SGCD: variants seen among roughly 807,000 people sequenced by gnomAD.
SGCD encodes sarcoglycan delta, also known as delta-sarcoglycan.
In SGCD, 18 loss-of-function variants were observed where a neutral mutation model predicts 36.6. The observed-to-expected ratio is 0.49, with a 90% CI of 0.34 to 0.73. The LOEUF (loss-of-function observed/expected upper bound fraction) is 0.73. Ranked by LOEUF, SGCD falls within the 30% of genes least tolerant of loss-of-function variation. The pLI is 0.01. For synonymous variants in SGCD, 133 were observed against 130.6 expected, an observed-to-expected ratio of 1.02 and a Z score of -0.12; for missense variants, 387 against 346.7, an observed-to-expected ratio of 1.12 and a Z score of -0.92.
chr5:155,735,337 T>C, the SGCD span, among the ~76,000 whole-genome samples: 1 of 152,246 alleles, frequency 6.6e-6, no homozygotes, highest in East Asian at 1.9e-4. Flanking sequence ...TAAGTTAATG[T>C]GATTTTATCT....
chr5:155,867,879 T>TCATACTAA (rs1341231250), upstream of SGCD, among the ~76,000 whole-genome samples: 20 of 152,280 alleles, frequency 1.3e-4, no homozygotes, highest in African/African-American at 4.8e-4. Context: ...AAGTAATTGG[T>TCATACTAA]CTAAGGTCAT....
chr5:156,441,305 C>G (rs1469934558), intron 3 of SGCD, among the ~76,000 whole-genome samples: 1 of 146,416 alleles, frequency 6.8e-6, no homozygotes, highest in Non-Finnish European at 1.5e-5. Flanking sequence ...CCAGCATTTA[C>G]TTGCTAGCTG....
At chr5:156,721,268 G>T (rs1168902691) in intron 7 of SGCD, among the ~76,000 whole-genome samples, 3 of 152,088 alleles carry the variant, frequency 2.0e-5, no homozygotes, top group African/African-American at 7.2e-5. Flanking sequence ...TGGTAACCAG[G>T]CCAGGATACT....
chr5:155,935,974 CCTGTG>C (rs1270865610), intron 1 of SGCD, among the ~76,000 whole-genome samples: 1 of 152,144 alleles, frequency 6.6e-6, no homozygotes, highest in Non-Finnish European at 1.5e-5. Flanking sequence ...GTGCTGGCTC[CCTGTG>C]AGGCTGCAGC....
chr5:156,695,137 T>TG lies in SGCD; in HGVS notation c.575+47601_575+47602insG, dbSNP rs1491176094. Among the ~76,000 whole-genome samples, 1,198 of 122,176 alleles carry TG rather than the reference T, an allele frequency of 9.8e-3. 6 individuals are homozygous for TG. The highest frequency in any genetic ancestry group is 0.026 in the South Asian group (84 of 3,270). 80.2% of individuals were successfully genotyped at this position (122,176 alleles called of 152,430 possible). On this transcript the variant is annotated intron_variant, in intron 7 of 8. Coordinates refer to ENST00000337851, the MANE Select transcript of SGCD (RefSeq NM_000337.6). Reference sequence around the variant, plus strand: ...TTGTGTGTGTGTGTGTGTGTGTGTGTTTGTGTGTGTGTGTGTGTGTGTTGG... The same window carrying TG: ...TTGTGTGTGTGTGTGTGTGTGTGTGTGTTGTGTGTGTGTGTGTGTGTGTTGG...
At chr5:156,652,692 C>T (rs1763507184) in intron 7 of SGCD, among the ~76,000 whole-genome samples, 1 of 152,052 alleles carries the variant, frequency 6.6e-6, no homozygotes, top group African/African-American at 2.4e-5. Context: ...CCAGCTTTTG[C>T]CCATTCAGTA....
chr5:155,782,127 T>G, the SGCD span, among the ~76,000 whole-genome samples: 2 of 150,988 alleles, frequency 1.3e-5, no homozygotes, highest in Non-Finnish European at 2.9e-5. Context: ...TGGGTTCAAG[T>G]GATTCTCCTG....
intron 4 of SGCD, among the ~76,000 whole-genome samples, chr5:156,587,945 C>T (rs1348606849): frequency 6.6e-6 from 1 of 150,990 alleles, no homozygotes; most frequent in Non-Finnish European, 1.5e-5. Context: ...TGAACTTTGC[C>T]TGTCTTCTGC....
chr5:155,884,575 A>G (rs1004999966), intron 1 of SGCD, among the ~76,000 whole-genome samples: 1 of 152,236 alleles, frequency 6.6e-6, no homozygotes, highest in African/African-American at 2.4e-5. Context: ...TCTGAGACCT[A>G]TCAAGAATTT....
intron 1 of SGCD, among the ~76,000 whole-genome samples, chr5:155,876,015 T>A (rs917070497): frequency 6.6e-6 from 1 of 152,012 alleles, no homozygotes; most frequent in African/African-American, 2.4e-5. Flanking sequence ...AAAGTTGTTT[T>A]TTTTTTTCTT....
chr5:156,720,628 G>A (rs1755449386), intron 7 of SGCD, among the ~76,000 whole-genome samples: 1 of 152,192 alleles, frequency 6.6e-6, no homozygotes, highest in Admixed American at 6.5e-5. Flanking sequence ...CCACCTGTGG[G>A]TTTTGAGCAA....
chr5:156,681,805 G>C (rs1753733441), intron 7 of SGCD, among the ~76,000 whole-genome samples: 1 of 152,130 alleles, frequency 6.6e-6, no homozygotes, highest in Non-Finnish European at 1.5e-5. Context: ...GGTTTTTAAA[G>C]GTTTCATTAT....
chr5:156,549,954 A>C (rs1758724667), intron 4 of SGCD, among the ~76,000 whole-genome samples: 1 of 152,218 alleles, frequency 6.6e-6, no homozygotes, highest in Admixed American at 6.5e-5. Context: ...AGAGTACTGA[A>C]CTATTATGTA....
In SGCD at chr5:156,081,887, G is replaced by A. The variant is rs190980114; in HGVS notation, c.-281-35991G>A. Among the ~76,000 whole-genome samples the A allele has an allele frequency of 1.1e-3, 171 of 152,194 alleles. 3 individuals carry two copies. Among genetic ancestry groups the A allele is most frequent in the Middle Eastern group, 0.01 (3 of 292 alleles). On this transcript the variant is annotated intron_variant, in intron 1 of 9. Coordinates refer to the SGCD transcript ENST00000517913. ...AGTGATTGCCCCACTATGCAAATGG[G>A]GTACAGATGATTATATGTCCTTCTT...
the SGCD span, among the ~76,000 whole-genome samples, chr5:155,739,816 G>T: frequency 7.3e-6 from 1 of 136,240 alleles, no homozygotes; most frequent in African/African-American, 2.5e-5. Context: ...TTTAAAACTT[G>T]CTGGGAATTT....
At chr5:156,645,305 CA>C (rs1237893898) in intron 6 of SGCD, among the ~76,000 whole-genome samples, 1 of 151,902 alleles carries the variant, frequency 6.6e-6, no homozygotes, top group African/African-American at 2.4e-5. Context: ...TCTGAGAAAA[CA>C]GAGAGAGGAT....
At chr5:156,041,689 C>T (rs902931387) in intron 1 of SGCD, among the ~76,000 whole-genome samples, 3 of 152,056 alleles carry the variant, frequency 2.0e-5, no homozygotes, top group Non-Finnish European at 4.4e-5. Flanking sequence ...AAATGACAAA[C>T]CTTTGAGAAG....
chr5:155,856,722 T>C, the SGCD span, among the ~76,000 whole-genome samples: 1 of 152,034 alleles, frequency 6.6e-6, no homozygotes, highest in Non-Finnish European at 1.5e-5. Flanking sequence ...AAAATATATA[T>C]GGAAAGCAAA....
intron 4 of SGCD, among the ~76,000 whole-genome samples, chr5:156,513,459 A>T (rs1444209400): frequency 6.6e-6 from 1 of 152,184 alleles, no homozygotes; most frequent in Non-Finnish European, 1.5e-5. Context: ...CTGCATGATT[A>T]TCTGCAGTGT....
Sources: gnomAD v4.1 joint callset for allele counts (sites outside exome capture counted in the v4.1 genomes callset) on GRCh38, gnomAD v4.1.1 for gene constraint, MANE v1.5 for transcripts, NCBI Gene and HGNC (gene_info 2026-07-23, HGNC 2026-07-21) for gene names.